Variants in ATRNL1 observed in about 807,000 individuals in gnomAD.
The protein encoded by ATRNL1 is attractin like 1.
In ATRNL1, 95 loss-of-function variants were observed where a neutral mutation model predicts 182.7. The observed-to-expected ratio is 0.52, with a 90% CI of 0.44 to 0.62. ATRNL1 has a LOEUF of 0.62. Among genes scored for constraint, ATRNL1 ranks in the 20% least tolerant of loss-of-function variants. The pLI is 0.00. For missense variants in ATRNL1, 1,471 were observed against 1,679.5 expected (o/e 0.88, Z 2.17); for synonymous variants, 576 against 568.3 (o/e 1.01, Z -0.19).
intron 28 of ATRNL1, among the ~76,000 whole-genome samples, chr10:115,852,068 T>C (rs1951069910): frequency 6.6e-6 from 1 of 152,220 alleles, no homozygotes; most frequent in Admixed American, 6.5e-5. Context: ...TGGAAGATTA[T>C]GGATTTCATA....
chr10:115,582,555 G>A (rs1855188821), intron 26 of ATRNL1, among the ~76,000 whole-genome samples: 1 of 118,278 alleles, frequency 8.5e-6, no homozygotes, highest in Admixed American at 9.7e-5. Flanking sequence ...TTTGAGAAGT[G>A]TCTCTTCATG....
intron 27 of ATRNL1, among the ~76,000 whole-genome samples, chr10:115,729,495 T>TTGTGTGTGTGTGTGTGTGTG (rs139166434): frequency 2.3e-4 from 32 of 142,158 alleles, no homozygotes; most frequent in African/African-American, 7.4e-4. Flanking sequence ...CTACCCCATT[T>TTGTGTGTGTGTGTGTGTGTG]TGTGTGTGTG....
At chr10:115,814,458 A>G (rs577003734) in intron 27 of ATRNL1, among the ~76,000 whole-genome samples, 1 of 152,308 alleles carries the variant, frequency 6.6e-6, no homozygotes, top group Non-Finnish European at 1.5e-5. Flanking sequence ...ATAGAGTTCA[A>G]CTTTTGAAAG....
chr10:115,746,156 C>G lies in ATRNL1; in HGVS notation c.3903+18801C>G, dbSNP rs565424037. The stretch of plus-strand genomic sequence containing the variant: ...TGCTGACTCATGGCCAATCTTGTTT[C>G]ATCTTTATGCTCTCTCACCCCGAAC... On this transcript the variant is annotated intron_variant, in intron 27 of 28. Coordinates refer to ENST00000355044, the MANE Select transcript of ATRNL1 (RefSeq NM_207303.4). 4.6e-5 allele frequency among the ~76,000 whole-genome samples: 7 copies of G among 152,176 alleles called. No individual in the cohort carries two copies. In the South Asian group the frequency reaches 1.5e-3, roughly 32 times the overall value.
intron 5 of ATRNL1, among the ~76,000 whole-genome samples, chr10:115,131,883 A>G (rs1381559685): frequency 6.6e-6 from 1 of 152,066 alleles, no homozygotes; most frequent in African/African-American, 2.4e-5. Context: ...TATTAAGATA[A>G]CACAGAGGAA....
In ATRNL1 at chr10:115,241,658, C is replaced by T; in HGVS notation, c.1620C>T (p.Thr540=). The T allele has an allele frequency of 2.5e-6, 4 of 1,610,008 alleles. No homozygotes were observed. The highest frequency in any genetic ancestry group is 3.4e-6 in the Non-Finnish European group (4 of 1,177,246). The stretch of plus-strand genomic sequence containing the variant: ...CTATGCTTATTTTTGGAGGAAATAC[C>T]CATAATGACACTTCCTTGAGTAACG... ...NGAMLIFGGN[T]HNDTSLSNGA... Residue 540 remains threonine (T), a synonymous_variant, in exon 10 of 29, where the codon ACC becomes ACT. Transcript: ENST00000355044.
intron 25 of ATRNL1, among the ~76,000 whole-genome samples, chr10:115,520,939 T>C (rs1554985013): frequency 6.6e-6 from 1 of 152,218 alleles, no homozygotes; most frequent in East Asian, 1.9e-4. Context: ...ATCACTAATA[T>C]GTGTAAAAAG....
chr10:115,667,485 G>T (rs782817215), intron 26 of ATRNL1, among the ~76,000 whole-genome samples: 1 of 152,078 alleles, frequency 6.6e-6, no homozygotes, highest in African/African-American at 2.4e-5. Flanking sequence ...AGTTGGAGTA[G>T]CTAGAACAGC....
Position 115,148,744 on chromosome 10 carries a change from G to GTTTTTTTTT in ATRNL1, c.830-11283_830-11275dup, listed in dbSNP as rs71010009. ...GATCTCCCTCTTTGAGGCCAGATGC[G>GTTTTTTTTT]TTTTTTTTTTTTTTTTTTTTTCTTT... On this transcript the variant is annotated intron_variant, in intron 5 of 28. Transcript: ENST00000355044. Among the ~76,000 whole-genome samples the GTTTTTTTTT allele has an allele frequency of 6.9e-5, 8 of 116,752 alleles. 1 individual carries two copies. Among genetic ancestry groups the GTTTTTTTTT allele is most frequent in the Non-Finnish European group, 3.5e-5 (2 of 57,342 alleles). 76.6% of individuals were successfully genotyped at this position (116,752 alleles called of 152,430 possible). A position where few individuals can be genotyped will look rare whatever the true frequency, so the allele number is the denominator to read the frequency against.
intron 25 of ATRNL1, among the ~76,000 whole-genome samples, chr10:115,529,106 C>G (rs1436785607): frequency 6.6e-6 from 1 of 151,850 alleles, no homozygotes; most frequent in Non-Finnish European, 1.5e-5. Context: ...GTAGAATATC[C>G]TGTATATATC....
At chr10:115,420,685 G>A (rs1845611849) in intron 20 of ATRNL1, among the ~76,000 whole-genome samples, 1 of 151,848 alleles carries the variant, frequency 6.6e-6, no homozygotes, top group Non-Finnish European at 1.5e-5. Flanking sequence ...AAAATTATGA[G>A]AAGGAAAGAA....
chr10:115,633,971 A>G (rs1389102986), intron 26 of ATRNL1, among the ~76,000 whole-genome samples: 1 of 152,086 alleles, frequency 6.6e-6, no homozygotes, highest in Non-Finnish European at 1.5e-5. Context: ...TATACCCTCA[A>G]GTGGATTGCC....
At chr10:115,602,340 C>G (rs1178466547) in intron 26 of ATRNL1, among the ~76,000 whole-genome samples, 1 of 152,078 alleles carries the variant, frequency 6.6e-6, no homozygotes. Flanking sequence ...TGCAAAAGAG[C>G]AAAATTCAGT....
chr10:115,249,098 C>T (rs528317974), intron 10 of ATRNL1, among the ~76,000 whole-genome samples: 1 of 152,180 alleles, frequency 6.6e-6, no homozygotes, highest in South Asian at 2.1e-4. Flanking sequence ...TCTTCTGCCT[C>T]AGCCTCCCAA....
chr10:115,715,959 T>C (rs1357771600), intron 26 of ATRNL1, among the ~76,000 whole-genome samples: 1 of 152,228 alleles, frequency 6.6e-6, no homozygotes, highest in African/African-American at 2.4e-5. Flanking sequence ...TCTCACCTTC[T>C]GATTTTTGTG....
At chr10:115,671,295 T>C (rs767002669) in intron 26 of ATRNL1, among the ~76,000 whole-genome samples, 52 of 152,182 alleles carry the variant, frequency 3.4e-4, no homozygotes, top group Non-Finnish European at 6.8e-4. Flanking sequence ...TTGTATCTCC[T>C]TTTCATCCTG....
At chr10:115,321,053 T>C (rs1369900601) in intron 18 of ATRNL1, among the ~76,000 whole-genome samples, 28 of 152,194 alleles carry the variant, frequency 1.8e-4, no homozygotes. Flanking sequence ...GTCTGTTTTC[T>C]TTGAGGCTGT....
intron 26 of ATRNL1, among the ~76,000 whole-genome samples, chr10:115,603,363 A>AGAG (rs2133947936): frequency 6.6e-6 from 1 of 152,276 alleles, no homozygotes; most frequent in South Asian, 2.1e-4. Context: ...CTTTACATTA[A>AGAG]GAGACTCCTG....
chr10:115,543,643 AG>A, intron 25 of ATRNL1, among the ~76,000 whole-genome samples: 1 of 152,194 alleles, frequency 6.6e-6, no homozygotes, highest in South Asian at 2.1e-4. Context: ...TTACCACCAG[AG>A]GGTATTTATT....
Sources: gnomAD v4.1 joint callset for allele counts (sites outside exome capture counted in the v4.1 genomes callset) on GRCh38, gnomAD v4.1.1 for gene constraint, MANE v1.5 for transcripts, NCBI Gene and HGNC (gene_info 2026-07-23, HGNC 2026-07-21) for gene names.